The following PRKX variants were observed in gnomAD, a reference collection of about 807,000 sequenced individuals.
PRKX encodes the protein protein kinase cAMP-dependent X-linked catalytic subunit, also known as cAMP-dependent protein kinase catalytic subunit PRKX.
A neutral mutation model predicts 22.0 loss-of-function variants in PRKX; 12 were observed. That is an observed-to-expected ratio of 0.54 (90% CI 0.35 to 0.88). The LOEUF (loss-of-function observed/expected upper bound fraction) is 0.88, where lower values mean the gene tolerates loss of function less well. PRKX is among the 40% of genes least tolerant of loss of function. The pLI is 0.01. For missense variants in PRKX, 217 were observed against 308.0 expected, an observed-to-expected ratio of 0.70 and a Z score of 2.21; for synonymous variants, 134 against 137.7, an observed-to-expected ratio of 0.97 and a Z score of 0.19.
chrX:3,708,439 A>G lies in PRKX; in HGVS notation c.166+4649T>C, dbSNP rs1484835367. On this transcript the variant is annotated intron_variant, in intron 1 of 8. Transcript: ENST00000262848. Reference sequence around the variant, plus strand: ...AAATTCTGGCCAATTCAGGAGAACCAAGGACAAGAGAAAACCTACCAGTAT... The same window carrying G: ...AAATTCTGGCCAATTCAGGAGAACCGAGGACAAGAGAAAACCTACCAGTAT... 3.6e-5 allele frequency among the ~76,000 whole-genome samples: 4 copies of G among 111,714 alleles called. No homozygotes were observed. In the East Asian group the frequency reaches 1.1e-3, roughly 31 times the overall value.
At chrX:3,650,966 G>A (rs993510711) in intron 3 of PRKX, among the ~76,000 whole-genome samples, 13 of 109,105 alleles carry the variant, frequency 1.2e-4, no homozygotes, top group East Asian at 2.8e-4. Flanking sequence ...CCACGATACA[G>A]TGGTGAATTT....
In PRKX at chrX:3,713,364, C is replaced by T; in HGVS notation, c.-111G>A. 1 of 660,523 alleles carries T rather than the reference C, an allele frequency of 1.5e-6. No homozygotes were observed. Among genetic ancestry groups the T allele is most frequent in the Non-Finnish European group, 2.0e-6 (1 of 503,950 alleles). The allele number at this position is 660,523 out of a possible 1,213,427, so 54.4% of individuals were successfully genotyped here. Reference sequence around the variant, plus strand: ...GCGGCGGCGGCATCAACAGAGGCTCCCCATGCGCGCTCTCGCCTCCTGGTG... The same window carrying T: ...GCGGCGGCGGCATCAACAGAGGCTCTCCATGCGCGCTCTCGCCTCCTGGTG... On this transcript the variant is annotated 5_prime_UTR_variant, in exon 1 of 9. Coordinates refer to ENST00000262848, the MANE Select transcript of PRKX (RefSeq NM_005044.5).
intron 3 of PRKX, among the ~76,000 whole-genome samples, chrX:3,653,088 AT>A (rs1927370879): frequency 1.8e-5 from 2 of 111,561 alleles, no homozygotes; most frequent in Admixed American, 1.9e-4. Context: ...TACATGTATT[AT>A]AAGCTGAATG....
chrX:3,640,587 G>A (rs1029677915), intron 4 of PRKX, among the ~76,000 whole-genome samples: 17 of 111,833 alleles, frequency 1.5e-4, no homozygotes, highest in African/African-American at 4.5e-4. Flanking sequence ...TTATGTGGTT[G>A]CAGGGTGGAT....
At position 3,606,798 on chromosome X, in the gene PRKX, G is replaced by C. The variant is rs1926184066; in HGVS notation, c.*2171C>G. 1 of 112,494 alleles carries C rather than the reference G, an allele frequency of 8.9e-6. No individual in the cohort carries two copies. The highest frequency in any genetic ancestry group is 9.4e-5 in the Admixed American group (1 of 10,612). The allele number at this position is 112,494 out of a possible 1,213,427, so 9.3% of individuals were successfully genotyped here. ...CCCCGCCATGGGCAGTTACCAGGTA[G>C]CTTGTGTCACTTCAAATGCTGAAAT... On this transcript the variant is annotated 3_prime_UTR_variant, in exon 9 of 9. Coordinates refer to ENST00000262848, the MANE Select transcript of PRKX (RefSeq NM_005044.5).
At chrX:3,613,028 G>A (rs982173743) in intron 7 of PRKX, among the ~76,000 whole-genome samples, 8 of 106,723 alleles carry the variant, frequency 7.5e-5, no homozygotes, top group African/African-American at 2.4e-4. Context: ...GTGGGTGCCT[G>A]TAATCCCAGC....
At chrX:3,618,394 G>T (rs542104332) in intron 6 of PRKX, among the ~76,000 whole-genome samples, 1 of 111,427 alleles carries the variant, frequency 9.0e-6, no homozygotes, top group South Asian at 3.7e-4. Flanking sequence ...AAGGTGGGCG[G>T]ATCACTTGAG....
intron 1 of PRKX, among the ~76,000 whole-genome samples, chrX:3,685,628 T>C (rs1355217258): frequency 9.0e-6 from 1 of 111,503 alleles, no homozygotes; most frequent in Non-Finnish European, 1.9e-5. Context: ...TACCCAGCCC[T>C]ATCCATTTGG....
intron 6 of PRKX, among the ~76,000 whole-genome samples, chrX:3,620,137 T>A (rs1174006269): frequency 8.9e-6 from 1 of 111,773 alleles, no homozygotes; most frequent in Non-Finnish European, 1.9e-5. Context: ...CCTACTCTCA[T>A]GTCCATGGCA....
At chrX:3,634,998 C>T (rs1297076191) in intron 4 of PRKX, among the ~76,000 whole-genome samples, 1 of 112,654 alleles carries the variant, frequency 8.9e-6, no homozygotes, top group Non-Finnish European at 1.9e-5. Flanking sequence ...GCCACCATGT[C>T]CAGCCTGAAT....
chrX:3,691,108 C>G (rs1379366919), intron 1 of PRKX, among the ~76,000 whole-genome samples: 2 of 111,959 alleles, frequency 1.8e-5, no homozygotes, highest in Non-Finnish European at 3.8e-5. Context: ...TCTAGAAAGT[C>G]TGAGCCCCGT....
intron 3 of PRKX, among the ~76,000 whole-genome samples, chrX:3,644,407 A>AG (rs1927148559): frequency 9.6e-6 from 1 of 104,546 alleles, no homozygotes; most frequent in Non-Finnish European, 2.0e-5. Context: ...TCTCAAAAAA[A>AG]AAAAAAAAAA....
chrX:3,674,064 T>C (rs1569057012), intron 2 of PRKX, among the ~76,000 whole-genome samples: 2 of 111,264 alleles, frequency 1.8e-5, no homozygotes, highest in Admixed American at 9.6e-5. Flanking sequence ...TCCTTTGTTA[T>C]AGCAGCCTGA....
intron 1 of PRKX, among the ~76,000 whole-genome samples, chrX:3,696,671 C>G (rs1322209022): frequency 8.9e-6 from 1 of 112,316 alleles, no homozygotes; most frequent in Non-Finnish European, 1.9e-5. Flanking sequence ...TACCATAACT[C>G]AAACCATCAT....
chrX:3,711,907 G>A (rs1189845698), intron 1 of PRKX, among the ~76,000 whole-genome samples: 4 of 110,871 alleles, frequency 3.6e-5, no homozygotes, highest in Non-Finnish European at 7.6e-5. Context: ...AGATAAAGAG[G>A]AGGAGGGAGG....
intron 1 of PRKX, among the ~76,000 whole-genome samples, chrX:3,697,541 CCTTTTTTTTTT>C (rs1267947112): frequency 9.7e-6 from 1 of 103,502 alleles, no homozygotes; most frequent in Non-Finnish European, 1.9e-5. Flanking sequence ...ATCACAATGT[CCTTTTTTTTTT>C]CTTTTTTTTT....
At chrX:3,710,864 G>A in intron 1 of PRKX, among the ~76,000 whole-genome samples, 1 of 111,365 alleles carries the variant, frequency 9.0e-6, no homozygotes, top group Non-Finnish European at 1.9e-5. Flanking sequence ...TTAGGATGAA[G>A]AGAGGTCACA....
At chrX:3,683,743 G>A (rs1275774309) in intron 1 of PRKX, among the ~76,000 whole-genome samples, 1 of 111,700 alleles carries the variant, frequency 9.0e-6, no homozygotes, top group African/African-American at 3.3e-5. Flanking sequence ...GGAGGCTGAG[G>A]TGGGAGGATT....
chrX:3,673,587 G>A (rs760385626), intron 2 of PRKX, among the ~76,000 whole-genome samples: 1 of 110,922 alleles, frequency 9.0e-6, no homozygotes, highest in African/African-American at 3.3e-5. Context: ...AGATAAAGCA[G>A]AAGATGGATA....
Sources: gnomAD v4.1 joint callset for allele counts (sites outside exome capture counted in the v4.1 genomes callset) on GRCh38, gnomAD v4.1.1 for gene constraint, MANE v1.5 for transcripts, NCBI Gene and HGNC (gene_info 2026-07-23, HGNC 2026-07-21) for gene names.